The following REXO5 variants were observed in gnomAD, a reference collection of about 807,000 sequenced individuals.
REXO5 encodes the protein RNA exonuclease 5.
A neutral mutation model predicts 88.5 loss-of-function variants in REXO5; 48 were observed. That is an observed-to-expected ratio of 0.54 (90% CI 0.43 to 0.69). The LOEUF is 0.69. Ranked by LOEUF, REXO5 falls within the 30% of genes least tolerant of loss-of-function variation. REXO5 has a pLI of 0.00. For missense variants in REXO5, 749 were observed against 912.2 expected (o/e 0.82, Z 2.30); for synonymous variants, 311 against 336.5 (o/e 0.92, Z 0.83).
chr16:20,844,524 A>G, intron 16 of REXO5, 105 bp from the exon 17 acceptor site: 1 of 957,950 alleles, frequency 1.0e-6, no homozygotes, highest in Non-Finnish European at 1.6e-6. Flanking sequence ...AAATTTTAGG[A>G]AACTGAAAAA....
At chr16:20,809,563 A>G (rs1199357801) in intron 2 of REXO5, among the ~76,000 whole-genome samples, 2 of 152,206 alleles carry the variant, frequency 1.3e-5, no homozygotes, top group Non-Finnish European at 2.9e-5. Flanking sequence ...TTCATTGATT[A>G]GATTCAGGTT....
intron 2 of REXO5, among the ~76,000 whole-genome samples, chr16:20,810,457 G>T (rs2080980178): frequency 6.6e-6 from 1 of 151,516 alleles, no homozygotes; most frequent in South Asian, 2.1e-4. Flanking sequence ...ACCCAGGCTG[G>T]AGTGCAGTGG....
At chr16:20,816,451 G>A (rs1001342682) in intron 5 of REXO5, among the ~76,000 whole-genome samples, 1 of 152,044 alleles carries the variant, frequency 6.6e-6, no homozygotes, top group Admixed American at 6.6e-5. Flanking sequence ...TCAGCCTCCT[G>A]AGTAGCTGGG....
At chr16:20,818,751 G>A (rs1025743365) in intron 5 of REXO5, among the ~76,000 whole-genome samples, 3 of 152,216 alleles carry the variant, frequency 2.0e-5, no homozygotes, top group Non-Finnish European at 4.4e-5. Context: ...AAGTACAGGC[G>A]TGAGCCACTG....
chr16:20,840,869 C>CA (rs2081516811), intron 15 of REXO5, among the ~76,000 whole-genome samples: 1 of 152,110 alleles, frequency 6.6e-6, no homozygotes, highest in Admixed American at 6.5e-5. Context: ...TCCCATTTCT[C>CA]AAATACCAGG....
At chr16:20,836,690 G>A (rs2081436157) in intron 13 of REXO5, among the ~76,000 whole-genome samples, 1 of 152,212 alleles carries the variant, frequency 6.6e-6, no homozygotes, top group South Asian at 2.1e-4. Context: ...GTTTAGTCTT[G>A]TAAGAAACTG....
intron 6 of REXO5, among the ~76,000 whole-genome samples, chr16:20,822,723 T>C (rs924140642): frequency 1.3e-5 from 2 of 152,350 alleles, no homozygotes; most frequent in Non-Finnish European, 2.9e-5. Context: ...GCTTCATCCA[T>C]GTTGTAGCAT....
intron 11 of REXO5, among the ~76,000 whole-genome samples, chr16:20,829,784 T>C (rs914127586): frequency 6.6e-6 from 1 of 152,086 alleles, no homozygotes. Flanking sequence ...TTATCTGAGG[T>C]CCCACAGTCA....
chr16:20,840,194 T>C lies in REXO5; in HGVS notation c.1489-137T>C, dbSNP rs113323306. 1,476 of 702,656 alleles carry C rather than the reference T, an allele frequency of 2.1e-3. 18 individuals are homozygous for C. The African/African-American group carries it at 0.024, about 11-fold the overall frequency. The allele number at this position is 702,656 out of a possible 1,614,324, so 43.5% of individuals were successfully genotyped here. On this transcript the variant is annotated intron_variant, in intron 14 of 19. Transcript: ENST00000261377. ...ACATTTTTGCTATTACAAATAATAC[T>C]TCAGTGAACATCCTTGGACATTTGG...
chr16:20,835,516 G>A (rs921801864), intron 13 of REXO5, among the ~76,000 whole-genome samples: 1 of 151,984 alleles, frequency 6.6e-6, no homozygotes, highest in Non-Finnish European at 1.5e-5. Context: ...TTACTTACAT[G>A]GATACACTAA....
intron 5 of REXO5, among the ~76,000 whole-genome samples, chr16:20,819,609 G>A (rs1457278384): frequency 2.6e-5 from 4 of 151,576 alleles, no homozygotes; most frequent in African/African-American, 4.8e-5. Context: ...TACAAAATTA[G>A]CCGGGCGTGG....
At position 20,846,215 on chromosome 16, in the gene REXO5, T is replaced by C; in HGVS notation, c.2125-6T>C. On this transcript the variant is annotated splice_polypyrimidine_tract_variant and splice_region_variant and intron_variant, in intron 18 of 19. Transcript: ENST00000261377. Reference sequence around the variant, plus strand: ...GCTGAGTATCGACACATGGCTTTGATCCCAGACTCTGAAACTGGACCACCC... The same window carrying C: ...GCTGAGTATCGACACATGGCTTTGACCCCAGACTCTGAAACTGGACCACCC... The C allele has an allele frequency of 6.2e-7, 1 of 1,612,156 alleles. No individual in the cohort carries two copies. Among genetic ancestry groups the C allele is most frequent in the African/African-American group, 1.3e-5 (1 of 74,956 alleles).
intron 5 of REXO5, among the ~76,000 whole-genome samples, chr16:20,820,537 T>TTGTTCTGTA: frequency 8.9e-5 from 1 of 11,292 alleles, no homozygotes. Flanking sequence ...TATATATATA[T>TTGTTCTGTA]ATATATATTT....
At chr16:20,843,764 G>A (rs1238032939) in intron 15 of REXO5, among the ~76,000 whole-genome samples, 170 bp from the exon 16 acceptor site, 8 of 152,228 alleles carry the variant, frequency 5.3e-5, no homozygotes. Context: ...TCTGAACTTT[G>A]ATGATCCCAT....
At chr16:20,815,507 G>T (rs2081067560) in intron 4 of REXO5, among the ~76,000 whole-genome samples, 1 of 151,210 alleles carries the variant, frequency 6.6e-6, no homozygotes, top group South Asian at 2.1e-4. Context: ...AGGCATTTGA[G>T]TTGGTGAGCC....
At chr16:20,849,301 C>A (rs552167237) in intron 19 of REXO5, 98 bp from the exon 20 acceptor site, 4 of 1,175,656 alleles carry the variant, frequency 3.4e-6, no homozygotes, top group Admixed American at 3.9e-5. Flanking sequence ...CCATGGCACA[C>A]ACACATACTT....
chr16:20,844,754 AT>A lies in REXO5; in HGVS notation c.1847del (p.Leu616CysfsTer13), dbSNP rs1185033117. The A allele has an allele frequency of 6.2e-7, 1 of 1,614,174 alleles. No individual in the cohort carries two copies. Among genetic ancestry groups the A allele is most frequent in the Non-Finnish European group, 8.5e-7 (1 of 1,180,022 alleles). On this transcript the variant is annotated frameshift_variant, in exon 17 of 20. Coordinates refer to ENST00000261377, the MANE Select transcript of REXO5 (RefSeq NM_030941.3). LOFTEE classifies it high-confidence loss of function. ...TGAGTGAAACCTTCAAAGAACAGCT[AT>A]TGCAGGAGCCCCGCCTCTTTCTTGG... is the stretch of plus-strand genomic sequence containing the variant. ...GVSETFKEQL[L>X]QEPRLFLGLE...
At chr16:20,835,115 CA>C (rs988839470) in intron 13 of REXO5, among the ~76,000 whole-genome samples, 6 of 152,102 alleles carry the variant, frequency 3.9e-5, no homozygotes, top group African/African-American at 1.4e-4. Context: ...TACTTGGAAA[CA>C]CTTTGGTCCT....
intron 13 of REXO5, 89 bp downstream of exon 13, chr16:20,833,212 C>T: frequency 7.4e-7 from 1 of 1,356,632 alleles, no homozygotes; most frequent in Non-Finnish European, 1.0e-6. Flanking sequence ...AGCTTTTTTT[C>T]ATCAGCAACC....
Sources: gnomAD v4.1 joint callset for allele counts (sites outside exome capture counted in the v4.1 genomes callset) on GRCh38, gnomAD v4.1.1 for gene constraint, MANE v1.5 for transcripts, NCBI Gene and HGNC (gene_info 2026-07-23, HGNC 2026-07-21) for gene names.